Variants in DOP1A observed in about 807,000 individuals in gnomAD.
The protein encoded by DOP1A is DOP1 leucine zipper like protein A.
DOP1A carries 90 observed loss-of-function variants against 267.6 expected under a neutral mutation model. That is an observed-to-expected ratio of 0.34 (90% CI 0.28 to 0.40). The LOEUF (loss-of-function observed/expected upper bound fraction) is 0.40, where lower values mean the gene tolerates loss of function less well. Among genes scored for constraint, DOP1A ranks in the 10% least tolerant of loss-of-function variants. The pLI, the probability that DOP1A is intolerant of heterozygous loss-of-function variation, is 1.00. For synonymous variants in DOP1A, 932 were observed against 999.1 expected, an observed-to-expected ratio of 0.93 and a Z score of 1.27; for missense variants, 2,437 against 2,900.4, an observed-to-expected ratio of 0.84 and a Z score of 3.67.
chr6:83,075,315 GTC>G (rs1249661561), intron 1 of DOP1A, among the ~76,000 whole-genome samples: 10 of 152,108 alleles, frequency 6.6e-5, no homozygotes, highest in South Asian at 2.1e-4. Flanking sequence ...GACAGATGAG[GTC>G]TCTCTGTTAT....
intron 24 of DOP1A, among the ~76,000 whole-genome samples, chr6:83,142,449 G>C (rs1779811544): frequency 6.6e-6 from 1 of 151,958 alleles, no homozygotes; most frequent in Non-Finnish European, 1.5e-5. Context: ...CGGAGGTTGT[G>C]GTGAGCCAAG....
intron 9 of DOP1A, 135 bp downstream of exon 9, chr6:83,119,992 T>G: frequency 1.7e-6 from 1 of 603,234 alleles, no homozygotes; most frequent in South Asian, 2.5e-5. Flanking sequence ...TCCCAAGAAT[T>G]TTTATAACAA....
chr6:83,110,973 A>G (rs1774455972), intron 6 of DOP1A, among the ~76,000 whole-genome samples: 1 of 152,092 alleles, frequency 6.6e-6, no homozygotes, highest in African/African-American at 2.4e-5. Flanking sequence ...GACACAGAAT[A>G]TTTACATCAC....
intron 1 of DOP1A, among the ~76,000 whole-genome samples, chr6:83,092,699 G>C (rs1276581996): frequency 2.0e-5 from 3 of 151,436 alleles, no homozygotes; most frequent in Non-Finnish European, 4.4e-5. Context: ...TTACAAATTA[G>C]GCATAGTACT....
rs1368450048 is a variant in DOP1A, at chr6:83,140,399, C to T, written c.5411C>T (p.Thr1804Ile). The change falls in exon 23 of 39, where the codon ACA becomes ATA. Residue 1804 changes from threonine (T) to isoleucine (I), a missense_variant. Around this residue, in one of 9 missense-constraint regions of DOP1A, gnomAD observed 307 missense variants for 308.6 expected, o/e 0.99. Transcript: ENST00000349129. ...ASLTTINLGA[T>I]KNLRQQILEL... ...CTTACCACTATTAATCTTGGAGCTA[C>T]AAAGGTTAGACAATTCATATTTAAT... 2 of 1,603,450 alleles carry T rather than the reference C, an allele frequency of 1.2e-6. No homozygotes were observed. The highest frequency in any genetic ancestry group is 8.5e-7 in the Non-Finnish European group (1 of 1,176,634).
chr6:83,078,252 A>G (rs1767461473), intron 1 of DOP1A, among the ~76,000 whole-genome samples: 1 of 152,198 alleles, frequency 6.6e-6, no homozygotes, highest in Admixed American at 6.5e-5. Context: ...CTTGCATTTC[A>G]TGTCTAAGAA....
intron 38 of DOP1A, chr6:83,166,356 T>C: frequency 1.4e-6 from 1 of 697,510 alleles, no homozygotes. Context: ...TCTTCAAGGC[T>C]CTAGTCTCCT....
chr6:83,139,953 C>A (rs1210567574), intron 21 of DOP1A, 47 bp from the exon 22 acceptor site: 4 of 1,306,694 alleles, frequency 3.1e-6, no homozygotes, highest in Non-Finnish European at 2.2e-6. Flanking sequence ...AAAATATGAA[C>A]TATACTATCA....
intron 4 of DOP1A, among the ~76,000 whole-genome samples, chr6:83,102,871 A>G (rs1772837683): frequency 6.6e-6 from 1 of 152,042 alleles, no homozygotes; most frequent in African/African-American, 2.4e-5. Context: ...AAACTAAACT[A>G]TTATTCTTTT....
chr6:83,158,822 C>T (rs932756998), intron 36 of DOP1A, among the ~76,000 whole-genome samples, 200 bp downstream of exon 36: 5 of 152,194 alleles, frequency 3.3e-5, no homozygotes. Context: ...ATTCATTGCC[C>T]TGGGCCCCTA....
In DOP1A at chr6:83,140,208, C is replaced by A. The variant is rs1484559691; in HGVS notation, c.5233-13C>A. The A allele has an allele frequency of 8.7e-6, 14 of 1,606,808 alleles. No homozygotes were observed. The highest frequency in any genetic ancestry group is 4.5e-5 in the East Asian group (2 of 44,802). ...AGTAAGTAATATGTTTCTTTTCCCC[C>A]AACTGTTAATAGCTTTTGGTCAGTG... On this transcript the variant is annotated splice_polypyrimidine_tract_variant and intron_variant, in intron 22 of 38. Coordinates refer to ENST00000349129, the MANE Select transcript of DOP1A (RefSeq NM_015018.4).
intron 23 of DOP1A, among the ~76,000 whole-genome samples, chr6:83,140,726 G>A (rs148321174): frequency 2.0e-5 from 3 of 152,064 alleles, no homozygotes; most frequent in East Asian, 1.9e-4. Flanking sequence ...AATCAACCAC[G>A]AATCTATTCT....
At position 83,129,244 on chromosome 6, in the gene DOP1A, A is replaced by G. The variant is rs1777656961; in HGVS notation, c.2077A>G (p.Ile693Val). The G allele has an allele frequency of 1.9e-6, 3 of 1,613,392 alleles. No homozygotes were observed. The highest frequency in any genetic ancestry group is 2.5e-6 in the Non-Finnish European group (3 of 1,179,770). The change falls in exon 16 of 39, where the codon ATC (isoleucine) becomes GTC (valine). Residue 693 changes from isoleucine (I) to valine (V), a missense_variant. Ile to Val is a conservative substitution (Grantham distance 29). This residue lies in a region of DOP1A where 498 missense variants were observed against 513.5 expected (regional missense o/e 0.97). Transcript: ENST00000349129. Reference sequence around the variant, plus strand: ...TCTTACCAGACTTATCAACCTCTACATCATTCAGAATAACTCTTTTTCTCA... The same window carrying G: ...TCTTACCAGACTTATCAACCTCTACGTCATTCAGAATAACTCTTTTTCTCA... ...QFLTRLINLY[I>V]IQNNSFSQSL...
intron 7 of DOP1A, among the ~76,000 whole-genome samples, chr6:83,118,460 G>C (rs1775831467): frequency 6.6e-6 from 1 of 152,004 alleles, no homozygotes. Context: ...AATACTACAA[G>C]ATAAAAATTT....
chr6:83,109,242 G>T (rs746591578), intron 5 of DOP1A, among the ~76,000 whole-genome samples, 162 bp downstream of exon 5: 2 of 152,150 alleles, frequency 1.3e-5, no homozygotes, highest in Admixed American at 1.3e-4. Flanking sequence ...AGTTTATCTA[G>T]TCTATGTATC....
At position 83,138,645 on chromosome 6, in the gene DOP1A, T is replaced by C. The variant is rs1035154995; in HGVS notation, c.4603T>C (p.Ser1535Pro). Residue 1535 changes from serine (S) to proline (P), a missense_variant, in exon 21 of 39, where the codon TCT becomes CCT. Coordinates refer to ENST00000349129, the MANE Select transcript of DOP1A (RefSeq NM_015018.4). ...AGTGATTCTTCATTGTTTGCTGTCATCTATCTTTAGTGCTCAGAAATGGCA... is the reference window on the plus strand; with the variant it reads ...AGTGATTCTTCATTGTTTGCTGTCACCTATCTTTAGTGCTCAGAAATGGCA... ...QKVILHCLLS[S>P]IFSAQKWHSE... 3 of 1,613,980 alleles carry C rather than the reference T, an allele frequency of 1.9e-6. No individual in the cohort carries two copies. The highest frequency in any genetic ancestry group is 2.5e-6 in the Non-Finnish European group (3 of 1,179,946).
Position 83,140,378 on chromosome 6 carries a change from C to A in DOP1A, c.5390C>A (p.Thr1797Asn). The A allele has an allele frequency of 6.2e-7, 1 of 1,610,496 alleles. No homozygotes were observed. Among genetic ancestry groups the A allele is most frequent in the Non-Finnish European group, 8.5e-7 (1 of 1,179,094 alleles). The change falls in exon 23 of 39, where the codon ACC becomes AAC. Residue 1797 changes from threonine to asparagine, a missense_variant. Physicochemically the swap from Thr to Asn is moderately conservative, Grantham distance 65 (BLOSUM62 0). Coordinates refer to ENST00000349129, the MANE Select transcript of DOP1A (RefSeq NM_015018.4). ...ACTATTGCCGCATCCGCATCTCTTA[C>A]CACTATTAATCTTGGAGCTACAAAG... is the stretch of plus-strand genomic sequence containing the variant. The part of the protein sequence containing the change: ...KMTIAASASL[T>N]TINLGATKNL...
rs1583219212 is a variant in DOP1A at position 83,166,145 on chromosome 6, T to C, written c.7093-1717T>C. Reference sequence around the variant, plus strand: ...AAAATGACACTTCAAAACAACGAATTTTTTTATTTTTCACTCAGCTCATGA... The same window carrying C: ...AAAATGACACTTCAAAACAACGAATCTTTTTATTTTTCACTCAGCTCATGA... On this transcript the variant is annotated intron_variant, in intron 38 of 38. Transcript: ENST00000349129. The C allele has an allele frequency of 8.6e-6, 4 of 466,342 alleles. No individual in the cohort carries two copies. In the East Asian group the frequency reaches 1.3e-4, roughly 15 times the overall value. The allele number at this position is 466,342 out of a possible 1,614,324, so 28.9% of individuals were successfully genotyped here.
chr6:83,088,416 C>A (rs1265678534), intron 1 of DOP1A, among the ~76,000 whole-genome samples: 1 of 147,374 alleles, frequency 6.8e-6, no homozygotes, highest in Non-Finnish European at 1.5e-5. Flanking sequence ...TGTTGTCTTC[C>A]ATCTTTTTTT....
Sources: gnomAD v4.1 joint callset for allele counts (sites outside exome capture counted in the v4.1 genomes callset) on GRCh38, gnomAD v4.1.1 for gene constraint, gnomAD v4.1.1 regional missense constraint, MANE v1.5 for transcripts, NCBI Gene and HGNC (gene_info 2026-07-23, HGNC 2026-07-21) for gene names.